The following RNF19A variants were observed in gnomAD, a reference collection of about 807,000 sequenced individuals.
The protein encoded by RNF19A is ring finger protein 19A, RBR E3 ubiquitin protein ligase.
RNF19A carries 32 observed loss-of-function variants against 75.7 expected under a neutral mutation model. That is an observed-to-expected ratio of 0.42 (90% confidence interval 0.32 to 0.57). RNF19A has a LOEUF of 0.57. Among genes scored for constraint, RNF19A ranks in the 20% least tolerant of loss-of-function variants. The pLI is 0.10. For synonymous variants in RNF19A, 335 were observed against 345.2 expected (o/e 0.97, Z 0.33); for missense variants, 782 against 1,036.3 (o/e 0.75, Z 3.37).
intron 2 of RNF19A, among the ~76,000 whole-genome samples, chr8:100,277,501 A>C (rs1023768728): frequency 6.6e-6 from 1 of 152,094 alleles, no homozygotes; most frequent in East Asian, 1.9e-4. Flanking sequence ...TTTAGTAGAG[A>C]CGGGGTTTCA....
At position 100,261,710 on chromosome 8, in the gene RNF19A, T is replaced by G. The variant is rs1207467545; in HGVS notation, c.1514A>C (p.Glu505Ala). The change falls in exon 8 of 10, where the codon GAG becomes GCG. Residue 505 changes from glutamate to alanine, a missense_variant. Coordinates refer to ENST00000341084, the MANE Select transcript of RNF19A (RefSeq NM_183419.4). The surrounding 1 kb of genome is among the most constrained non-coding windows in gnomAD (Gnocchi z 4.4). ...GCCAGTCAGCCCACCAACACTTCCC[T>G]CCCCTATGCTTGGGTTGTGTCTTGC... Reference protein sequence around the residue: ...AEARHNPSIGEGSVGGLTGSL... With the variant: ...AEARHNPSIGAGSVGGLTGSL... The G allele has an allele frequency of 1.2e-6, 2 of 1,613,968 alleles. No individual in the cohort carries two copies. Among genetic ancestry groups the G allele is most frequent in the Admixed American group, 3.3e-5 (2 of 59,986 alleles).
At chr8:100,276,390 T>C (rs1170886460) in intron 2 of RNF19A, among the ~76,000 whole-genome samples, 1 of 151,914 alleles carries the variant, frequency 6.6e-6, no homozygotes, top group East Asian at 1.9e-4. Flanking sequence ...AATAGATTAG[T>C]GGTTGCCAAG....
At chr8:100,271,769 C>T (rs1329263758) in intron 3 of RNF19A, among the ~76,000 whole-genome samples, 1 of 152,058 alleles carries the variant, frequency 6.6e-6, no homozygotes. Context: ...TGTCTTTCCT[C>T]AAAGCAACAA....
Position 100,332,613 on chromosome 8 carries a change from C to G in RNF19A, c.-243+3495G>C, listed in dbSNP as rs776879331. Among the ~76,000 whole-genome samples, 8 of 152,330 alleles carry G rather than the reference C, an allele frequency of 5.3e-5. No homozygotes were observed. Among genetic ancestry groups the G allele is most frequent in the Middle Eastern group, 3.4e-3 (1 of 294 alleles). On this transcript the variant is annotated intron_variant, in intron 1 of 3. Transcript: ENST00000519527. This position sits in a 1 kb window ranked among gnomAD's most constrained non-coding sequence, Gnocchi z 4.8. ...AAATCACCTTGATAAGACAAATGGT[C>G]TTATCAGCAATGTATGCATTGCCTA... is the stretch of plus-strand genomic sequence containing the variant.
intron 5 of RNF19A, among the ~76,000 whole-genome samples, chr8:100,265,398 A>C (rs1207488588): frequency 6.6e-6 from 1 of 152,238 alleles, no homozygotes; most frequent in East Asian, 1.9e-4. Flanking sequence ...AATAATGGCT[A>C]CCAGAAGACA....
chr8:100,261,255 C>T lies in RNF19A; in HGVS notation c.1682+287G>A, dbSNP rs577212403. Among the ~76,000 whole-genome samples the T allele has an allele frequency of 1.3e-4, 20 of 151,968 alleles. No homozygotes were observed. The highest frequency in any genetic ancestry group is 4.3e-4 in the African/African-American group (18 of 41,432). The stretch of plus-strand genomic sequence containing the variant: ...GACTACAGGTGCATGCCACCAAATC[C>T]GGCTAATTTTTTATATTTTTTTAGT... On this transcript the variant is annotated intron_variant, in intron 8 of 9. Transcript: ENST00000341084. The surrounding 1 kb of genome is among the most constrained non-coding windows in gnomAD (Gnocchi z 4.4).
intron 5 of RNF19A, among the ~76,000 whole-genome samples, chr8:100,265,437 C>T (rs1051305163): frequency 6.6e-6 from 1 of 151,888 alleles, no homozygotes; most frequent in Non-Finnish European, 1.5e-5. Flanking sequence ...AATCTCTGTA[C>T]AGGACAGGTG....
chr8:100,309,795 C>G, intron 1 of RNF19A, 72 bp downstream of exon 1: 2 of 985,622 alleles, frequency 2.0e-6, no homozygotes, highest in Non-Finnish European at 1.2e-6. Flanking sequence ...CCAGAGCTCC[C>G]TGGGTCGTAA....
chr8:100,319,812 G>A (rs1563874225), intron 1 of RNF19A, among the ~76,000 whole-genome samples: 2 of 149,666 alleles, frequency 1.3e-5, no homozygotes, highest in East Asian at 2.0e-4. Flanking sequence ...TTACAGGCGT[G>A]AGCCACCGCG....
chr8:100,291,704 A>C (rs17422240), intron 1 of RNF19A, among the ~76,000 whole-genome samples: 4,626 of 152,328 alleles, frequency 0.03, 85 homozygotes, highest in Admixed American at 0.044. Flanking sequence ...ACATGGTCAA[A>C]TAACAGTTTT....
At chr8:100,309,600 T>TCGGCCCCCG in intron 1 of RNF19A, 1 of 960,556 alleles carries the variant, frequency 1.0e-6, no homozygotes, top group Non-Finnish European at 1.2e-6. Flanking sequence ...ACGCTCCACC[T>TCGGCCCCCG]CGGCCCCCGC....
intron 1 of RNF19A, among the ~76,000 whole-genome samples, chr8:100,305,680 T>C (rs1286777052): frequency 1.3e-5 from 2 of 152,354 alleles, no homozygotes; most frequent in East Asian, 1.9e-4. Context: ...CAAATACTTA[T>C]TCGACATCTT....
At position 100,264,438 on chromosome 8, in the gene RNF19A, T is replaced by C; in HGVS notation, c.1306+233A>G. On this transcript the variant is annotated intron_variant, in intron 6 of 9. Transcript: ENST00000341084. This position sits in a 1 kb window ranked among gnomAD's most constrained non-coding sequence, Gnocchi z 4.7. ...AGATGCAAACTTTTTTCTTTTGAAG[T>C]GCCAGGCCTCCGAACTGTACTTGGG... The C allele has an allele frequency of 1.7e-6, 1 of 574,892 alleles. No homozygotes were observed. The highest frequency in any genetic ancestry group is 3.0e-6 in the Non-Finnish European group (1 of 329,062). 35.6% of individuals were successfully genotyped at this position (574,892 alleles called of 1,614,324 possible). A position where few individuals can be genotyped will look rare whatever the true frequency, so the allele number is the denominator to read the frequency against.
At chr8:100,265,955 C>T (rs567128545) in intron 5 of RNF19A, among the ~76,000 whole-genome samples, 7 of 152,212 alleles carry the variant, frequency 4.6e-5, no homozygotes, top group East Asian at 1.9e-4. Context: ...TGCTCCTCCC[C>T]ACTCCCATTC....
At position 100,257,937 on chromosome 8, in the gene RNF19A, C is replaced by A. The variant is rs555917982; in HGVS notation, c.*619G>T. ...CATCAACAATAAACAAGATAGAGTA[C>A]CAGGTATTTCTATTTCAAAGTTGTG... On this transcript the variant is annotated 3_prime_UTR_variant, in exon 10 of 10. Coordinates refer to ENST00000341084, the MANE Select transcript of RNF19A (RefSeq NM_183419.4). 5.0e-6 allele frequency: 2 copies of A among 398,320 alleles called. No homozygotes were observed. The highest frequency in any genetic ancestry group is 8.9e-6 in the Non-Finnish European group (2 of 225,790). The allele number at this position is 398,320 out of a possible 1,614,324, so 24.7% of individuals were successfully genotyped here.
At chr8:100,313,393 A>G (rs1822329220), upstream of RNF19A, 2 of 810,290 alleles carry the variant, frequency 2.5e-6, no homozygotes, top group Middle Eastern at 6.2e-4. Context: ...AGAAGAAGGC[A>G]AACTAGTTAG....
chr8:100,275,001 T>C lies in RNF19A; in HGVS notation c.835A>G (p.Thr279Ala). ...QERAQSLRLR[T>A]IRSSSISYSQ... ...TAACTAATGGATGAAGAACGTATAG[T>C]TCTCAAACGTAAGCTCTGGGCTCTC... The change falls in exon 3 of 10, where the codon ACT becomes GCT. Residue 279 changes from threonine to alanine, a missense_variant. Thr to Ala is a moderately conservative substitution (Grantham distance 58). This residue lies in a region of RNF19A where 34 missense variants were observed against 25.2 expected (regional missense o/e 1.35). Coordinates refer to ENST00000341084, the MANE Select transcript of RNF19A (RefSeq NM_183419.4). The surrounding 1 kb of genome is among the most constrained non-coding windows in gnomAD (Gnocchi z 4.3). 6.2e-7 allele frequency: 1 copy of C among 1,614,166 alleles called. No homozygotes were observed. Among genetic ancestry groups the C allele is most frequent in the Non-Finnish European group, 8.5e-7 (1 of 1,180,014 alleles).
chr8:100,288,913 A>G (rs1168235095), intron 1 of RNF19A, among the ~76,000 whole-genome samples: 1 of 152,030 alleles, frequency 6.6e-6, no homozygotes, highest in African/African-American at 2.4e-5. Flanking sequence ...ACAAAAAACT[A>G]GCCGGGTGTG....
intron 2 of RNF19A, among the ~76,000 whole-genome samples, chr8:100,276,129 T>C (rs1242252402): frequency 6.6e-6 from 1 of 152,180 alleles, no homozygotes; most frequent in Non-Finnish European, 1.5e-5. Flanking sequence ...ATATTTGTGC[T>C]CACACAAAAA....
Sources: gnomAD v4.1 joint callset for allele counts (sites outside exome capture counted in the v4.1 genomes callset) on GRCh38, gnomAD v4.1.1 for gene constraint, gnomAD v4.1.1 regional missense constraint, Gnocchi (gnomAD v3.1) non-coding constraint, MANE v1.5 for transcripts, NCBI Gene and HGNC (gene_info 2026-07-23, HGNC 2026-07-21) for gene names.